The following JAZF1 variants were observed in gnomAD, a reference collection of about 807,000 sequenced individuals.
JAZF1 encodes juxtaposed with another zinc finger protein 1.
A neutral mutation model predicts 26.4 loss-of-function variants in JAZF1; 8 were observed. That is an observed-to-expected ratio of 0.30 (90% CI 0.18 to 0.55). The LOEUF is 0.55. Ranked by LOEUF, JAZF1 falls within the 20% of genes least tolerant of loss-of-function variation. The pLI, the probability that JAZF1 is intolerant of heterozygous loss-of-function variation, is 0.94. For missense variants in JAZF1, 199 were observed against 322.0 expected, an observed-to-expected ratio of 0.62 and a Z score of 2.92; for synonymous variants, 126 against 122.3, an observed-to-expected ratio of 1.03 and a Z score of -0.20.
intron 1 of JAZF1, among the ~76,000 whole-genome samples, chr7:27,992,994 G>C (rs1288039144): frequency 6.6e-6 from 1 of 152,158 alleles, no homozygotes; most frequent in African/African-American, 2.4e-5. Context: ...ACAGGTGATG[G>C]GGGGAGGGAA....
intron 1 of JAZF1, among the ~76,000 whole-genome samples, chr7:28,008,889 T>G (rs1397449520): frequency 6.6e-6 from 1 of 152,222 alleles, no homozygotes; most frequent in African/African-American, 2.4e-5. Context: ...TCAACTAACT[T>G]GTTTTATACA....
At chr7:28,009,484 T>A (rs1289911962) in intron 1 of JAZF1, among the ~76,000 whole-genome samples, 1 of 151,444 alleles carries the variant, frequency 6.6e-6, no homozygotes, top group African/African-American at 2.4e-5. Context: ...GATAATACCA[T>A]TGCTTTTTTT....
At chr7:28,015,889 C>T (rs568557157) in intron 1 of JAZF1, among the ~76,000 whole-genome samples, 27 of 152,144 alleles carry the variant, frequency 1.8e-4, no homozygotes, top group Admixed American at 3.9e-4. Flanking sequence ...TGCTCTAGGT[C>T]CCCCCTGCTC....
At chr7:27,862,066 G>C (rs915290318) in intron 3 of JAZF1, among the ~76,000 whole-genome samples, 8 of 152,200 alleles carry the variant, frequency 5.3e-5, no homozygotes, top group African/African-American at 1.9e-4. Context: ...GAGTTAGGGA[G>C]GATACAGAGG....
At chr7:27,945,054 A>C (rs1784905746) in intron 2 of JAZF1, among the ~76,000 whole-genome samples, 1 of 152,162 alleles carries the variant, frequency 6.6e-6, no homozygotes, top group Non-Finnish European at 1.5e-5. Flanking sequence ...CCCACAGGAA[A>C]ACAGTTCTTC....
intron 1 of JAZF1, among the ~76,000 whole-genome samples, chr7:27,993,008 G>C (rs1299071193): frequency 6.6e-6 from 1 of 152,144 alleles, no homozygotes; most frequent in Non-Finnish European, 1.5e-5. Context: ...GAGGGAAGCA[G>C]ATACAGTGGC....
intron 1 of JAZF1, among the ~76,000 whole-genome samples, chr7:28,025,774 A>C (rs1783084360): frequency 6.6e-6 from 1 of 152,122 alleles, no homozygotes; most frequent in Non-Finnish European, 1.5e-5. Context: ...GAGATGGAAA[A>C]ATTTTTGGCC....
chr7:27,843,876 G>T (rs1782969519), intron 3 of JAZF1: 1 of 152,294 alleles, frequency 6.6e-6, no homozygotes, highest in South Asian at 2.1e-4. Context: ...CTGGCCCATG[G>T]TAGGCCTTAG....
At chr7:28,017,857 T>A (rs2128372038) in intron 1 of JAZF1, among the ~76,000 whole-genome samples, 1 of 152,334 alleles carries the variant, frequency 6.6e-6, no homozygotes, top group Non-Finnish European at 1.5e-5. Flanking sequence ...CACTGCAACC[T>A]CCACCTCCGG....
At chr7:28,177,682 T>C (rs2127956374) in intron 1 of JAZF1, among the ~76,000 whole-genome samples, 1 of 152,340 alleles carries the variant, frequency 6.6e-6, no homozygotes, top group East Asian at 1.9e-4. Context: ...TGAATCTTTT[T>C]AATGTAACCA....
chr7:28,180,763 A>C lies in JAZF1; in HGVS notation c.-186T>G, dbSNP rs1783637637. Reference sequence around the variant, plus strand: ...AGAGATGGAAGGAGAGCGAGGAGCCACCGGGAGGCAGAGGGGAGGCGGCGG... The same window carrying C: ...AGAGATGGAAGGAGAGCGAGGAGCCCCCGGGAGGCAGAGGGGAGGCGGCGG... On this transcript the variant is annotated 5_prime_UTR_variant, in exon 1 of 5. Transcript: ENST00000283928. 5.6e-6 allele frequency: 1 copy of C among 178,292 alleles called. No homozygotes were observed. The highest frequency in any genetic ancestry group is 1.3e-4 in the South Asian group (1 of 7,462). The allele number at this position is 178,292 out of a possible 1,614,324, so 11.0% of individuals were successfully genotyped here.
intron 2 of JAZF1, among the ~76,000 whole-genome samples, chr7:27,980,283 G>A (rs370496208): frequency 3.9e-5 from 6 of 152,200 alleles, no homozygotes; most frequent in African/African-American, 9.6e-5. Flanking sequence ...GAGGCTGTAC[G>A]ACACATAGCA....
intron 1 of JAZF1, among the ~76,000 whole-genome samples, chr7:28,116,755 T>C (rs969178226): frequency 1.3e-5 from 2 of 151,464 alleles, no homozygotes; most frequent in African/African-American, 2.4e-5. Flanking sequence ...GCCAAGACAA[T>C]GTTTTTCTTA....
intron 1 of JAZF1, among the ~76,000 whole-genome samples, chr7:28,021,237 G>A (rs1370056486): frequency 1.3e-5 from 2 of 152,138 alleles, no homozygotes; most frequent in Admixed American, 1.3e-4. Flanking sequence ...TTTCTTTTAG[G>A]ATGAGCAGTG....
At chr7:27,984,244 G>T (rs1200659430) in intron 2 of JAZF1, among the ~76,000 whole-genome samples, 1 of 152,058 alleles carries the variant, frequency 6.6e-6, no homozygotes, top group African/African-American at 2.4e-5. Context: ...CAAAATAAAG[G>T]GATGGAGGAA....
intron 1 of JAZF1, among the ~76,000 whole-genome samples, chr7:28,000,597 TTTTTC>T (rs1465291552): frequency 6.1e-4 from 41 of 67,174 alleles, no homozygotes; most frequent in South Asian, 3.4e-3. Flanking sequence ...TCCTATTTTC[TTTTTC>T]TTTCTTTCTT....
At chr7:27,849,229 C>A (rs1294568532) in intron 3 of JAZF1, among the ~76,000 whole-genome samples, 1 of 152,196 alleles carries the variant, frequency 6.6e-6, no homozygotes, top group East Asian at 1.9e-4. Context: ...TCGCTCAAAA[C>A]CACACGTGAC....
intron 1 of JAZF1, among the ~76,000 whole-genome samples, chr7:28,136,136 GT>G (rs1315460275): frequency 6.6e-6 from 1 of 152,220 alleles, no homozygotes; most frequent in East Asian, 1.9e-4. Flanking sequence ...GCAGCAGGGA[GT>G]AATTACTGAA....
intron 2 of JAZF1, among the ~76,000 whole-genome samples, chr7:27,965,266 G>A (rs1785254215): frequency 6.6e-6 from 1 of 152,102 alleles, no homozygotes; most frequent in Admixed American, 6.6e-5. Context: ...CAAAAAATCA[G>A]GCATCTAATC....
Sources: gnomAD v4.1 joint callset for allele counts (sites outside exome capture counted in the v4.1 genomes callset) on GRCh38, gnomAD v4.1.1 for gene constraint, MANE v1.5 for transcripts, NCBI Gene and HGNC (gene_info 2026-07-23, HGNC 2026-07-21) for gene names.